The following GUCA1C variants were observed in gnomAD, a reference collection of about 807,000 sequenced individuals.
The protein encoded by GUCA1C is guanylyl cyclase-activating protein 3.
GUCA1C carries 15 observed loss-of-function variants against 16.2 expected under a neutral mutation model. That is an observed-to-expected ratio of 0.93 (90% confidence interval 0.62 to 1.43). The LOEUF is 1.43. Among genes scored for constraint, GUCA1C ranks in the 40% most tolerant of loss-of-function variants. The probability of loss-of-function intolerance (pLI) is 0.00; values close to 1 mark genes in which losing one functional copy is unlikely to be tolerated. For synonymous variants in GUCA1C, 78 were observed against 85.4 expected (o/e 0.91, Z 0.48); for missense variants, 275 against 244.8 (o/e 1.12, Z -0.82).
rs1447615483 is a variant in GUCA1C at position 108,953,600 on chromosome 3, T to A, written c.163A>T (p.Lys55Ter). Reference protein sequence around the residue: ...GLQGLNQKANKHIDQVYNTFD... With the variant: ...GLQGLNQKAN ...GTATTATAAACTTGATCAATATGTT[T>A]ATTGGCCTTCTGATTCAGACCTTGC... Residue 55 changes from lysine to a stop codon, truncating the protein, a stop_gained, in exon 1 of 4, where the codon AAA becomes TAA. Coordinates refer to ENST00000261047, the MANE Select transcript of GUCA1C (RefSeq NM_005459.4). LOFTEE classifies it high-confidence loss of function. The A allele has an allele frequency of 6.2e-7, 1 of 1,612,946 alleles. No homozygotes were observed. The highest frequency in any genetic ancestry group is 8.5e-7 in the Non-Finnish European group (1 of 1,178,890).
intron 2 of GUCA1C, 25 bp downstream of exon 2, chr3:108,920,411 A>G: frequency 6.3e-7 from 1 of 1,585,592 alleles, no homozygotes; most frequent in South Asian, 1.1e-5. Flanking sequence ...GCGGCCTGAA[A>G]AGGATACTTT....
chr3:108,944,196 G>C (rs1200274318), intron 1 of GUCA1C, among the ~76,000 whole-genome samples: 1 of 152,150 alleles, frequency 6.6e-6, no homozygotes, highest in Non-Finnish European at 1.5e-5. Context: ...GGGAAAGAGA[G>C]GAATGGAAAG....
intron 1 of GUCA1C, among the ~76,000 whole-genome samples, chr3:108,940,421 G>C (rs1018402635): frequency 1.3e-5 from 2 of 152,220 alleles, no homozygotes; most frequent in Admixed American, 6.5e-5. Context: ...AGAAGCTAGA[G>C]AGCAGATAAC....
rs542953905 is a variant in GUCA1C at position 108,915,906 on chromosome 3, A to G, written c.442+221T>C. On this transcript the variant is annotated intron_variant, in intron 3 of 3. Coordinates refer to ENST00000261047, the MANE Select transcript of GUCA1C (RefSeq NM_005459.4). Reference sequence around the variant, plus strand: ...TGCTCATCTCACCTTTACTCTTTATATATCCCAACATGTCAAGCACCACAC... The same window carrying G: ...TGCTCATCTCACCTTTACTCTTTATGTATCCCAACATGTCAAGCACCACAC... The G allele has an allele frequency of 1.8e-4, 101 of 554,928 alleles. 2 individuals are homozygous for G. In the South Asian group the frequency reaches 2.5e-3, roughly 14 times the overall value. 34.4% of individuals were successfully genotyped at this position (554,928 alleles called of 1,614,324 possible).
intron 1 of GUCA1C, among the ~76,000 whole-genome samples, chr3:108,944,920 G>C (rs72935316): frequency 0.011 from 1,725 of 152,316 alleles, 33 homozygotes; most frequent in African/African-American, 0.038. Context: ...AAAGAGAAAG[G>C]AGACTTGGAG....
At chr3:108,919,969 T>C (rs34113068) in intron 2 of GUCA1C, among the ~76,000 whole-genome samples, 3,683 of 152,266 alleles carry the variant, frequency 0.024, 77 homozygotes, top group Middle Eastern at 0.099. Context: ...AAGGCACTTA[T>C]TGAACTTTAG....
intron 2 of GUCA1C, among the ~76,000 whole-genome samples, chr3:108,919,122 T>C (rs1043820963): frequency 2.0e-5 from 3 of 152,170 alleles, no homozygotes; most frequent in Non-Finnish European, 4.4e-5. Context: ...CAGAATTTGC[T>C]ATTATTGTTT....
At chr3:108,936,899 C>G (rs529507466) in intron 1 of GUCA1C, among the ~76,000 whole-genome samples, 73 of 152,298 alleles carry the variant, frequency 4.8e-4, no homozygotes, top group Non-Finnish European at 8.5e-4. Flanking sequence ...CCACACCTCT[C>G]CTTCAGTGCC....
chr3:108,910,781 C>G (rs142620173), intron 3 of GUCA1C, among the ~76,000 whole-genome samples: 3,530 of 151,574 alleles, frequency 0.023, 153 homozygotes, highest in African/African-American at 0.081. Context: ...TCCCGAGTAG[C>G]TGGGACTACA....
At chr3:108,919,920 A>G (rs1343782422) in intron 2 of GUCA1C, among the ~76,000 whole-genome samples, 1 of 152,138 alleles carries the variant, frequency 6.6e-6, no homozygotes, top group Non-Finnish European at 1.5e-5. Flanking sequence ...GATAATAACT[A>G]TCTCCTACTC....
intron 2 of GUCA1C, 151 bp from the exon 3 acceptor site, chr3:108,916,365 T>C: frequency 1.5e-6 from 1 of 661,512 alleles, no homozygotes; most frequent in South Asian, 2.0e-5. Context: ...AAAGAAAAGA[T>C]TGTATGTCAG....
At chr3:108,942,314 C>T (rs1310926384) in intron 1 of GUCA1C, among the ~76,000 whole-genome samples, 10 of 152,186 alleles carry the variant, frequency 6.6e-5, no homozygotes, top group Non-Finnish European at 1.3e-4. Flanking sequence ...CCAAATGCCT[C>T]AACTTCTCCA....
intron 3 of GUCA1C, among the ~76,000 whole-genome samples, chr3:108,910,184 C>T (rs1465787796): frequency 6.6e-6 from 1 of 152,140 alleles, no homozygotes; most frequent in Non-Finnish European, 1.5e-5. Context: ...CTGTGGAGGT[C>T]CAGAAGCTTC....
At chr3:108,917,681 T>C (rs1011248750) in intron 2 of GUCA1C, among the ~76,000 whole-genome samples, 6 of 151,784 alleles carry the variant, frequency 4.0e-5, no homozygotes, top group Admixed American at 1.3e-4. Flanking sequence ...GTGTAGACTC[T>C]CTCTCCTGCA....
intron 1 of GUCA1C, among the ~76,000 whole-genome samples, chr3:108,935,373 A>G (rs961641697): frequency 6.6e-6 from 1 of 152,084 alleles, no homozygotes; most frequent in Non-Finnish European, 1.5e-5. Flanking sequence ...AATAAAAAAT[A>G]TAAGCACATT....
chr3:108,912,972 C>T (rs547794089), intron 3 of GUCA1C, among the ~76,000 whole-genome samples: 2 of 152,144 alleles, frequency 1.3e-5, no homozygotes, highest in Non-Finnish European at 2.9e-5. Flanking sequence ...CTTTATTTTG[C>T]TTAACCTTCT....
intron 1 of GUCA1C, among the ~76,000 whole-genome samples, chr3:108,947,885 G>T (rs1946857769): frequency 6.6e-6 from 1 of 152,144 alleles, no homozygotes; most frequent in African/African-American, 2.4e-5. Context: ...TATAGCATCA[G>T]ATTTGTTAAA....
intron 3 of GUCA1C, among the ~76,000 whole-genome samples, chr3:108,913,751 C>T (rs1054002474): frequency 9.2e-5 from 14 of 151,998 alleles, no homozygotes; most frequent in Non-Finnish European, 1.6e-4. Context: ...TGTGGATGTG[C>T]GTATATTTTT....
At chr3:108,930,049 A>G (rs74707953) in intron 1 of GUCA1C, among the ~76,000 whole-genome samples, 135 of 152,240 alleles carry the variant, frequency 8.9e-4, no homozygotes, top group Admixed American at 1.9e-3. Context: ...AATCTGTGTC[A>G]CTCTTTAGAA....
Sources: allele counts gnomAD v4.1 joint callset (sites outside exome capture counted in the v4.1 genomes callset), GRCh38; gene constraint gnomAD v4.1.1; transcripts MANE v1.5; gene names NCBI Gene and HGNC (gene_info 2026-07-23, HGNC 2026-07-21).